The following THSD4 variants were observed in gnomAD, a reference collection of about 807,000 sequenced individuals.
THSD4 encodes thrombospondin type-1 domain-containing protein 4.
In THSD4, 69 loss-of-function variants were observed where a neutral mutation model predicts 119.0. The ratio of observed to expected loss-of-function variants is 0.58; its 90% confidence interval spans 0.48 to 0.71. The LOEUF is 0.71. Among genes scored for constraint, THSD4 ranks in the 30% least tolerant of loss-of-function variants. The pLI is 0.00. For synonymous variants in THSD4, 524 were observed against 540.4 expected (o/e 0.97, Z 0.42); for missense variants, 1,393 against 1,391.1 (o/e 1.00, Z -0.02).
At chr15:71,375,972 C>A (rs530767749) in intron 6 of THSD4, among the ~76,000 whole-genome samples, 2 of 152,260 alleles carry the variant, frequency 1.3e-5, no homozygotes, top group Admixed American at 1.3e-4. Context: ...TCACTGAGAC[C>A]AATGTACTGT....
chr15:71,279,676 G>C (rs549887072), intron 6 of THSD4, among the ~76,000 whole-genome samples: 2 of 152,098 alleles, frequency 1.3e-5, no homozygotes, highest in Non-Finnish European at 2.9e-5. Flanking sequence ...ATCCTGCCTC[G>C]TGGAAACTGG....
intron 8 of THSD4, among the ~76,000 whole-genome samples, chr15:71,713,507 G>A (rs1162384855): frequency 2.6e-5 from 4 of 152,252 alleles, no homozygotes; most frequent in Non-Finnish European, 2.9e-5. Flanking sequence ...AGCATCTTAC[G>A]TTTTATTGAT....
At chr15:71,562,937 A>G (rs1315757082) in intron 7 of THSD4, among the ~76,000 whole-genome samples, 2 of 152,036 alleles carry the variant, frequency 1.3e-5, no homozygotes, top group Admixed American at 1.3e-4. Context: ...TCCTAACCTC[A>G]GGTGATCCAC....
At chr15:71,388,665 T>C (rs568478841) in intron 6 of THSD4, among the ~76,000 whole-genome samples, 1 of 141,978 alleles carries the variant, frequency 7.0e-6, no homozygotes, top group Admixed American at 7.1e-5. Flanking sequence ...TTGGAGAGAG[T>C]GTGTGTGTGT....
At chr15:71,595,752 T>C (rs1224439756) in intron 7 of THSD4, among the ~76,000 whole-genome samples, 1 of 152,178 alleles carries the variant, frequency 6.6e-6, no homozygotes, top group East Asian at 1.9e-4. Flanking sequence ...CCCAACTCCA[T>C]CACCCCAAGA....
chr15:71,143,489 G>A (rs1235646329), intron 2 of THSD4, among the ~76,000 whole-genome samples: 3 of 151,866 alleles, frequency 2.0e-5, no homozygotes, highest in Non-Finnish European at 2.9e-5. Flanking sequence ...GAACTTATTC[G>A]AAAAGGGCAA....
intron 7 of THSD4, among the ~76,000 whole-genome samples, chr15:71,520,807 C>T (rs1366552997): frequency 6.6e-6 from 1 of 152,086 alleles, no homozygotes; most frequent in East Asian, 1.9e-4. Flanking sequence ...GAGTGGTGGA[C>T]CTGAGATTTA....
chr15:71,650,892 C>T (rs953902054), intron 7 of THSD4, among the ~76,000 whole-genome samples: 7 of 152,166 alleles, frequency 4.6e-5, no homozygotes, highest in African/African-American at 1.7e-4. Context: ...GAACCTTACA[C>T]TTACTAGTCT....
intron 6 of THSD4, among the ~76,000 whole-genome samples, chr15:71,365,130 A>AG (rs2045941250): frequency 6.2e-5 from 3 of 48,364 alleles, no homozygotes; most frequent in Non-Finnish European, 9.7e-5. Flanking sequence ...TGCCCCCCCC[A>AG]TTGTGTGTGT....
intron 11 of THSD4, among the ~76,000 whole-genome samples, chr15:71,740,340 A>G (rs1213758217): frequency 6.6e-6 from 1 of 152,244 alleles, no homozygotes; most frequent in Non-Finnish European, 1.5e-5. Flanking sequence ...ACCCGAAATC[A>G]AAATGTATTA....
In THSD4 at chr15:71,197,241, G is replaced by A. The variant is rs150075696; in HGVS notation, c.100-17794G>A. Among the ~76,000 whole-genome samples, 16 of 152,298 alleles carry A rather than the reference G, an allele frequency of 1.1e-4. 1 individual carries two copies. The East Asian group carries it at 3.1e-3, about 29-fold the overall frequency. ...GCCAACACTCAGCACAGTACCTAGA[G>A]TGTGATAGCTCGATTATGCTTAGAA... On this transcript the variant is annotated intron_variant, in intron 3 of 17. Transcript: ENST00000261862.
chr15:71,667,263 A>C (rs1380140863), intron 8 of THSD4, among the ~76,000 whole-genome samples: 2 of 152,214 alleles, frequency 1.3e-5, no homozygotes, highest in Non-Finnish European at 2.9e-5. Flanking sequence ...TGGGGAAAAA[A>C]AAGTTTATTT....
intron 17 of THSD4, among the ~76,000 whole-genome samples, chr15:71,776,336 A>G (rs2053912180): frequency 6.6e-6 from 1 of 152,246 alleles, no homozygotes. Flanking sequence ...TAACTCACAA[A>G]GGATCAGATC....
At chr15:71,212,415 A>G (rs1019523850) in intron 3 of THSD4, among the ~76,000 whole-genome samples, 22 of 152,202 alleles carry the variant, frequency 1.4e-4, no homozygotes, top group Admixed American at 1.3e-4. Context: ...AACTAAATTA[A>G]GGGTGAGATT....
At position 71,642,880 on chromosome 15, in the gene THSD4, G is replaced by A. The variant is rs190614635; in HGVS notation, c.1153-17650G>A. On this transcript the variant is annotated intron_variant, in intron 7 of 17. Coordinates refer to ENST00000261862, the MANE Select transcript of THSD4 (RefSeq NM_024817.3). ...ACGAGTTAATGGGTGCAGCACACCA[G>A]CATGGCACATGTATACATATGTAAC... Among the ~76,000 whole-genome samples the A allele has an allele frequency of 5.4e-3, 818 of 152,124 alleles. 4 individuals are homozygous for A. The highest frequency in any genetic ancestry group is 0.019 in the African/African-American group (768 of 41,494).
At chr15:71,154,458 G>A (rs914830478) in intron 2 of THSD4, among the ~76,000 whole-genome samples, 18 of 152,278 alleles carry the variant, frequency 1.2e-4, no homozygotes, top group Admixed American at 2.0e-4. Context: ...CTTACCACCC[G>A]TGAAGGACCG....
At chr15:71,773,983 G>A (rs1396595999) in intron 17 of THSD4, among the ~76,000 whole-genome samples, 1 of 152,076 alleles carries the variant, frequency 6.6e-6, no homozygotes, top group Non-Finnish European at 1.5e-5. Context: ...AAAAAGACAA[G>A]TGGTCCAGTT....
chr15:71,776,534 G>T (rs2053915574), intron 17 of THSD4, among the ~76,000 whole-genome samples: 1 of 152,178 alleles, frequency 6.6e-6, no homozygotes, highest in East Asian at 1.9e-4. Context: ...ATGGCAAAAA[G>T]AGAATTCTTC....
chr15:71,547,622 C>A, intron 7 of THSD4: 1 of 932,706 alleles, frequency 1.1e-6, no homozygotes, highest in South Asian at 2.0e-5. Context: ...GTAGGCTTCT[C>A]TTGCCTTTTC....
Sources: allele counts gnomAD v4.1 joint callset (sites outside exome capture counted in the v4.1 genomes callset), GRCh38; gene constraint gnomAD v4.1.1; transcripts MANE v1.5; gene names NCBI Gene and HGNC (gene_info 2026-07-23, HGNC 2026-07-21).